Variants in GRM8 observed in about 807,000 individuals in gnomAD.
The protein encoded by GRM8 is glutamate metabotropic receptor 8, also known as metabotropic glutamate receptor 8.
GRM8 carries 47 observed loss-of-function variants against 87.2 expected under a neutral mutation model. The ratio of observed to expected loss-of-function variants is 0.54; its 90% CI spans 0.43 to 0.69. The LOEUF is 0.69. Among genes scored for constraint, GRM8 ranks in the 30% least tolerant of loss-of-function variants. GRM8 has a pLI of 0.00. For synonymous variants in GRM8, 396 were observed against 404.5 expected (o/e 0.98, Z 0.25); for missense variants, 1,019 against 1,139.2 (o/e 0.89, Z 1.52).
intron 9 of GRM8, among the ~76,000 whole-genome samples, chr7:126,488,747 G>A (rs1393072714): frequency 6.6e-6 from 1 of 151,854 alleles, no homozygotes; most frequent in Admixed American, 6.6e-5. Flanking sequence ...AAACTAGATT[G>A]TCAGACTTCC....
At chr7:126,666,344 C>T (rs980132352) in intron 7 of GRM8, among the ~76,000 whole-genome samples, 1 of 152,112 alleles carries the variant, frequency 6.6e-6, no homozygotes, top group African/African-American at 2.4e-5. Context: ...AAAATTATCT[C>T]ATCAGACTAG....
At chr7:127,075,925 T>C (rs1822212310) in intron 3 of GRM8, 2 of 310,944 alleles carry the variant, frequency 6.4e-6, no homozygotes, top group Non-Finnish European at 1.3e-5. Context: ...TTCACCTTTA[T>C]ACCACCCAAG....
chr7:126,907,203 A>G (rs941822479), intron 3 of GRM8, among the ~76,000 whole-genome samples: 1 of 148,530 alleles, frequency 6.7e-6, no homozygotes. Context: ...GAGCAGATGG[A>G]AGGAGGAGGA....
chr7:126,640,321 G>C (rs1438548583), intron 7 of GRM8, among the ~76,000 whole-genome samples: 1 of 152,114 alleles, frequency 6.6e-6, no homozygotes, highest in African/African-American at 2.4e-5. Flanking sequence ...ACGTGTGGGA[G>C]AGAGGGAGGT....
At position 126,514,190 on chromosome 7, in the gene GRM8, T is replaced by C. The variant is rs557158877; in HGVS notation, c.2430+18762A>G. Among the ~76,000 whole-genome samples the C allele has an allele frequency of 4.6e-5, 7 of 152,096 alleles. No homozygotes were observed. The South Asian group carries it at 1.5e-3, about 32-fold the overall frequency. ...CCCAGCAAGTCCGCAGATGCTGGAGTTGTGGTCCATCTGTTTTTGTTTCTC... is the reference window on the plus strand; with the variant it reads ...CCCAGCAAGTCCGCAGATGCTGGAGCTGTGGTCCATCTGTTTTTGTTTCTC... On this transcript the variant is annotated intron_variant, in intron 9 of 10. Coordinates refer to ENST00000339582, the MANE Select transcript of GRM8 (RefSeq NM_000845.3).
rs528679558 is a variant in GRM8, at chr7:126,946,186, T to G, written c.728-41503A>C. 2.0e-5 allele frequency among the ~76,000 whole-genome samples: 3 copies of G among 152,326 alleles called. No individual in the cohort carries two copies. The East Asian group carries it at 5.8e-4, about 29-fold the overall frequency. ...TTTTCCTTGATCTCCCTCTTGCAGT[T>G]AGACTTAAACACTCTTAGAAAAAGT... On this transcript the variant is annotated intron_variant, in intron 3 of 10. Transcript: ENST00000339582.
chr7:126,603,002 C>T (rs545995705), intron 8 of GRM8, among the ~76,000 whole-genome samples: 8 of 146,838 alleles, frequency 5.4e-5, no homozygotes, highest in African/African-American at 1.7e-4. Flanking sequence ...TACTGGCAAA[C>T]CGAATCCAGC....
At position 127,242,453 on chromosome 7, in the gene GRM8, C is replaced by A. The variant is rs575545943; in HGVS notation, c.510+242G>T. On this transcript the variant is annotated intron_variant, in intron 2 of 10. Coordinates refer to ENST00000339582, the MANE Select transcript of GRM8 (RefSeq NM_000845.3). ...ACCCAATATATCACAGAACTTTTCA[C>A]CTTTCTCTTTGTTCAGGAAAAAAAA... is the stretch of plus-strand genomic sequence containing the variant. Among the ~76,000 whole-genome samples the A allele has an allele frequency of 3.4e-3, 511 of 152,034 alleles. 6 individuals carry two copies. Among genetic ancestry groups the A allele is most frequent in the Non-Finnish European group, 5.8e-3 (394 of 67,996 alleles).
chr7:126,553,002 C>G (rs900954037), intron 8 of GRM8, among the ~76,000 whole-genome samples: 1 of 151,988 alleles, frequency 6.6e-6, no homozygotes, highest in African/African-American at 2.4e-5. Context: ...ATGGATGAAT[C>G]CATATAAAGA....
chr7:126,530,668 G>A (rs577490109), intron 9 of GRM8, among the ~76,000 whole-genome samples: 3 of 152,368 alleles, frequency 2.0e-5, no homozygotes, highest in South Asian at 4.1e-4. Flanking sequence ...AAAAGAAAAT[G>A]GAGGACTGAC....
At chr7:126,594,748 CTA>C (rs1293921980) in intron 8 of GRM8, among the ~76,000 whole-genome samples, 1 of 152,094 alleles carries the variant, frequency 6.6e-6, no homozygotes, top group Non-Finnish European at 1.5e-5. Flanking sequence ...AAAATCATGA[CTA>C]TGTGAGGTAA....
At chr7:126,987,640 T>G (rs943871939) in intron 3 of GRM8, among the ~76,000 whole-genome samples, 3 of 151,956 alleles carry the variant, frequency 2.0e-5, no homozygotes, top group African/African-American at 7.3e-5. Flanking sequence ...TTTTGTATTT[T>G]TTTTAGTAGA....
intron 7 of GRM8, among the ~76,000 whole-genome samples, chr7:126,684,030 G>A (rs757094532): frequency 3.3e-5 from 5 of 152,132 alleles, no homozygotes; most frequent in African/African-American, 4.8e-5. Context: ...ATTGCCTAGC[G>A]TAATATCTAG....
chr7:126,928,528 C>A (rs1403939090), intron 3 of GRM8, among the ~76,000 whole-genome samples: 1 of 151,838 alleles, frequency 6.6e-6, no homozygotes, highest in East Asian at 1.9e-4. Context: ...AAAAATTAAC[C>A]GGGTATGGTG....
intron 3 of GRM8, chr7:127,076,251 A>C (rs1563481765): frequency 4.4e-6 from 2 of 453,964 alleles, no homozygotes; most frequent in East Asian, 7.0e-5. Flanking sequence ...GGACAAGGAA[A>C]GAAAAATGAG....
At chr7:126,891,441 C>T (rs539215787) in intron 6 of GRM8, among the ~76,000 whole-genome samples, 1 of 151,512 alleles carries the variant, frequency 6.6e-6, no homozygotes, top group Non-Finnish European at 1.5e-5. Context: ...TTCTGGTGCC[C>T]ATTCATTGAC....
At chr7:127,001,353 G>A (rs775191678) in intron 3 of GRM8, among the ~76,000 whole-genome samples, 8 of 151,570 alleles carry the variant, frequency 5.3e-5, no homozygotes, top group Non-Finnish European at 1.2e-4. Context: ...CGTTAATATA[G>A]AAATATAGAC....
intron 6 of GRM8, among the ~76,000 whole-genome samples, chr7:126,815,444 A>G (rs1171116867): frequency 6.6e-6 from 1 of 152,200 alleles, no homozygotes; most frequent in East Asian, 1.9e-4. Flanking sequence ...AACAGAAGTT[A>G]TTAACAGTAC....
chr7:126,517,651 G>A (rs1211189236), intron 9 of GRM8, among the ~76,000 whole-genome samples: 1 of 151,942 alleles, frequency 6.6e-6, no homozygotes, highest in Non-Finnish European at 1.5e-5. Context: ...AAAATATTAT[G>A]TGTGTTGTGA....
Sources: allele counts gnomAD v4.1 joint callset (sites outside exome capture counted in the v4.1 genomes callset), GRCh38; gene constraint gnomAD v4.1.1; transcripts MANE v1.5; gene names NCBI Gene and HGNC (gene_info 2026-07-23, HGNC 2026-07-21).